GRIK2: variants seen among roughly 807,000 people sequenced by gnomAD.
GRIK2 encodes the protein glutamate receptor ionotropic, kainate 2.
In GRIK2, 32 loss-of-function variants were observed where a neutral mutation model predicts 100.3. The ratio of observed to expected loss-of-function variants is 0.32; its 90% CI spans 0.24 to 0.43. The LOEUF (loss-of-function observed/expected upper bound fraction) is 0.43, where lower values mean the gene tolerates loss of function less well. GRIK2 is among the 20% of genes least tolerant of loss of function. The pLI, the probability that GRIK2 is intolerant of heterozygous loss-of-function variation, is 1.00. For synonymous variants in GRIK2, 417 were observed against 389.4 expected (o/e 1.07, Z -0.83); for missense variants, 843 against 1,114.9 (o/e 0.76, Z 3.47).
intron 7 of GRIK2, among the ~76,000 whole-genome samples, chr6:101,793,214 C>T (rs548311766): frequency 3.9e-5 from 6 of 152,304 alleles, no homozygotes; most frequent in South Asian, 2.1e-4. Context: ...AACTTGTCAA[C>T]GTCATTCTCC....
At chr6:101,635,048 T>G (rs549291438) in intron 4 of GRIK2, among the ~76,000 whole-genome samples, 1 of 152,016 alleles carries the variant, frequency 6.6e-6, no homozygotes, top group Admixed American at 6.6e-5. Flanking sequence ...AGACACTAAT[T>G]TTTGAATAAG....
intron 12 of GRIK2, among the ~76,000 whole-genome samples, chr6:101,909,371 G>GTTTTTTTTTTTTGTTT (rs370241149): frequency 1.2e-5 from 1 of 83,536 alleles, no homozygotes; most frequent in African/African-American, 4.4e-5. Context: ...GGAAGATAGG[G>GTTTTTTTTTTTTGTTT]TTTTCTTTTT....
At chr6:101,608,807 G>A (rs1420340431) in intron 2 of GRIK2, among the ~76,000 whole-genome samples, 11 of 115,602 alleles carry the variant, frequency 9.5e-5, no homozygotes, top group Non-Finnish European at 1.8e-4. Context: ...GTGTGTGTGT[G>A]TGTGTGTATG....
chr6:102,069,663 G>A lies in GRIK2; in HGVS notation c.*1152G>A, dbSNP rs1772173952. The A allele has an allele frequency of 6.6e-6, 1 of 151,752 alleles. No individual in the cohort carries two copies. Among genetic ancestry groups the A allele is most frequent in the African/African-American group, 2.4e-5 (1 of 41,324 alleles). The allele number at this position is 151,752 out of a possible 1,614,324, so 9.4% of individuals were successfully genotyped here. A position where few individuals can be genotyped will look rare whatever the true frequency, so the allele number is the denominator to read the frequency against. The stretch of plus-strand genomic sequence containing the variant: ...TCAAAAAATGTTCAGGTTTATTTGT[G>A]GAAATGCAAGATTTCTATGAAAATA... On this transcript the variant is annotated 3_prime_UTR_variant, in exon 17 of 17. Coordinates refer to ENST00000369134, the MANE Select transcript of GRIK2 (RefSeq NM_021956.5).
chr6:101,852,176 A>G lies in GRIK2; in HGVS notation c.1318-7111A>G, dbSNP rs569889353. On this transcript the variant is annotated intron_variant, in intron 10 of 16. Transcript: ENST00000369134. ...CAAATTGTCGATCTTTGTTCCTTTTAAGTAAAACAAAACAAAACAAAACAA... is the reference window on the plus strand; with the variant it reads ...CAAATTGTCGATCTTTGTTCCTTTTGAGTAAAACAAAACAAAACAAAACAA... 3.3e-5 allele frequency among the ~76,000 whole-genome samples: 5 copies of G among 152,230 alleles called. No individual in the cohort carries two copies. In the South Asian group the frequency reaches 1.0e-3, roughly 32 times the overall value.
At chr6:101,967,620 C>T (rs376224788) in intron 14 of GRIK2, among the ~76,000 whole-genome samples, 2 of 151,978 alleles carry the variant, frequency 1.3e-5, no homozygotes, top group African/African-American at 4.8e-5. Context: ...AAAGTGAACA[C>T]GAAAACCCAA....
At chr6:101,970,606 T>G (rs891784030) in intron 14 of GRIK2, among the ~76,000 whole-genome samples, 13 of 151,956 alleles carry the variant, frequency 8.6e-5, no homozygotes, top group African/African-American at 3.1e-4. Flanking sequence ...AGCAGTAACA[T>G]CTGAGTGTTG....
chr6:101,440,704 G>A (rs1769995828), intron 2 of GRIK2, among the ~76,000 whole-genome samples: 1 of 152,076 alleles, frequency 6.6e-6, no homozygotes, highest in South Asian at 2.1e-4. Flanking sequence ...TTCCAACAGA[G>A]GGCCCTTCTC....
intron 14 of GRIK2, among the ~76,000 whole-genome samples, chr6:101,934,916 T>G (rs1182416954): frequency 1.3e-5 from 2 of 152,036 alleles, no homozygotes; most frequent in Non-Finnish European, 2.9e-5. Flanking sequence ...AAAATTAACC[T>G]AAAAATAATA....
At chr6:101,884,826 G>C (rs1786503034) in intron 11 of GRIK2, among the ~76,000 whole-genome samples, 1 of 152,074 alleles carries the variant, frequency 6.6e-6, no homozygotes, top group Admixed American at 6.6e-5. Flanking sequence ...CAGTTCCTTG[G>C]TGTCAAATTT....
chr6:101,688,384 A>G (rs1027440072), intron 7 of GRIK2, among the ~76,000 whole-genome samples: 5 of 151,796 alleles, frequency 3.3e-5, no homozygotes, highest in Non-Finnish European at 7.4e-5. Context: ...TCCCTCTGTG[A>G]CTTTACACAT....
chr6:101,397,511 AT>A (rs1775058643), intron 1 of GRIK2, among the ~76,000 whole-genome samples: 1 of 152,222 alleles, frequency 6.6e-6, no homozygotes, highest in African/African-American at 2.4e-5. Flanking sequence ...CATGATACTT[AT>A]TTTTGACACT....
intron 2 of GRIK2, among the ~76,000 whole-genome samples, chr6:101,600,439 A>T (rs1274112427): frequency 6.6e-6 from 1 of 151,878 alleles, no homozygotes; most frequent in African/African-American, 2.4e-5. Flanking sequence ...TTGTAAAAAA[A>T]TGGCATTGGT....
At chr6:101,776,910 G>A (rs1194238735) in intron 7 of GRIK2, among the ~76,000 whole-genome samples, 1 of 152,158 alleles carries the variant, frequency 6.6e-6, no homozygotes, top group Admixed American at 6.5e-5. Flanking sequence ...GGTGCAGAAG[G>A]GTTGAAGCAT....
intron 14 of GRIK2, among the ~76,000 whole-genome samples, chr6:102,015,589 C>T (rs1050031120): frequency 4.6e-5 from 7 of 152,280 alleles, no homozygotes; most frequent in African/African-American, 1.7e-4. Context: ...CGGCCAACAC[C>T]TGTACAGAGG....
intron 14 of GRIK2, among the ~76,000 whole-genome samples, chr6:101,957,486 T>G (rs1792014181): frequency 6.6e-6 from 1 of 151,180 alleles, no homozygotes; most frequent in African/African-American, 2.4e-5. Flanking sequence ...TTTTTATTAT[T>G]TATTTATTTA....
intron 11 of GRIK2, among the ~76,000 whole-genome samples, chr6:101,880,060 C>T (rs1458138342): frequency 1.3e-5 from 2 of 151,972 alleles, no homozygotes; most frequent in Non-Finnish European, 2.9e-5. Flanking sequence ...ACTACTGTGG[C>T]TATCTAGTGT....
In GRIK2 at chr6:101,485,313, T is replaced by C. The variant is rs138791326; in HGVS notation, c.115+85921T>C. Reference sequence around the variant, plus strand: ...GCTGGCTAGTGGCTAAGTGGGGCTATATCACAAGACTGTGATTCCAGTCCA... The same window carrying C: ...GCTGGCTAGTGGCTAAGTGGGGCTACATCACAAGACTGTGATTCCAGTCCA... On this transcript the variant is annotated intron_variant, in intron 2 of 16. Coordinates refer to ENST00000369134, the MANE Select transcript of GRIK2 (RefSeq NM_021956.5). Among the ~76,000 whole-genome samples the C allele has an allele frequency of 1.3e-3, 192 of 152,336 alleles. 1 individual carries two copies. Among genetic ancestry groups the C allele is most frequent in the Middle Eastern group, 6.8e-3 (2 of 294 alleles).
At chr6:101,447,023 A>C (rs1019431033) in intron 2 of GRIK2, among the ~76,000 whole-genome samples, 13 of 147,818 alleles carry the variant, frequency 8.8e-5, no homozygotes, top group Middle Eastern at 3.6e-3. Context: ...TATATATTAT[A>C]TATATTTTAT....
Sources: gnomAD v4.1 joint callset for allele counts (sites outside exome capture counted in the v4.1 genomes callset) on GRCh38, gnomAD v4.1.1 for gene constraint, MANE v1.5 for transcripts, NCBI Gene and HGNC (gene_info 2026-07-23, HGNC 2026-07-21) for gene names.